The following NRG3 variants were observed in gnomAD, a reference collection of about 807,000 sequenced individuals.
NRG3 encodes the protein pro-neuregulin-3, membrane-bound isoform.
Under a neutral mutation model 66.9 loss-of-function variants are expected in NRG3, and 31 were observed. The ratio of observed to expected loss-of-function variants is 0.46; its 90% confidence interval spans 0.35 to 0.63. NRG3 has a LOEUF of 0.63. Ranked by LOEUF, NRG3 falls within the 20% of genes least tolerant of loss-of-function variation. The pLI, the probability that NRG3 is intolerant of heterozygous loss-of-function variation, is 0.00. For synonymous variants in NRG3, 393 were observed against 359.4 expected (o/e 1.09, Z -1.06); for missense variants, 910 against 878.9 (o/e 1.04, Z -0.45).
intron 1 of NRG3, among the ~76,000 whole-genome samples, chr10:81,887,807 G>A (rs1011301872): frequency 2.0e-5 from 3 of 152,108 alleles, no homozygotes; most frequent in African/African-American, 7.2e-5. Flanking sequence ...AGTCAAGATG[G>A]TGATTATCTT....
intron 1 of NRG3, among the ~76,000 whole-genome samples, chr10:82,140,625 AG>A (rs2069699839): frequency 1.3e-5 from 2 of 152,106 alleles, no homozygotes; most frequent in South Asian, 4.1e-4. Flanking sequence ...CCAGGTACTT[AG>A]GAGGGTAAGG....
rs2064411615 is a variant in NRG3 at position 82,065,625 on chromosome 10, G to T, written c.823+189462G>T. On this transcript the variant is annotated intron_variant, in intron 1 of 8. Transcript: ENST00000372141. Reference sequence around the variant, plus strand: ...GAAGAATATAGACTACTGCATTGGGGTTATCAGTAGAGAGTACATAAAGAA... The same window carrying T: ...GAAGAATATAGACTACTGCATTGGGTTTATCAGTAGAGAGTACATAAAGAA... 2.0e-5 allele frequency among the ~76,000 whole-genome samples: 3 copies of T among 152,184 alleles called. No individual in the cohort carries two copies. The South Asian group carries it at 6.2e-4, about 32-fold the overall frequency.
intron 2 of NRG3, among the ~76,000 whole-genome samples, chr10:82,383,601 T>C (rs149877028): frequency 0.012 from 1,790 of 152,130 alleles, 26 homozygotes; most frequent in African/African-American, 0.039. Context: ...ATTGTTACTA[T>C]GTTTTTATTT....
At chr10:82,626,595 T>A (rs541061774) in intron 2 of NRG3, among the ~76,000 whole-genome samples, 3 of 152,266 alleles carry the variant, frequency 2.0e-5, no homozygotes, top group South Asian at 4.1e-4. Context: ...GTAGAGAGCA[T>A]TACCTTTAAA....
At chr10:82,618,029 TTGGGACTTCTG>T (rs2048780730) in intron 2 of NRG3, among the ~76,000 whole-genome samples, 1 of 152,170 alleles carries the variant, frequency 6.6e-6, no homozygotes, top group Non-Finnish European at 1.5e-5. Context: ...ACCTGGGCTG[TTGGGACTTCTG>T]TGGGTCCACT....
chr10:82,560,843 T>C (rs1428401981), intron 2 of NRG3, among the ~76,000 whole-genome samples: 1 of 151,876 alleles, frequency 6.6e-6, no homozygotes, highest in African/African-American at 2.4e-5. Context: ...TAATGTTTTA[T>C]GTATTGAAAT....
chr10:82,059,508 G>GAA (rs869179635), intron 1 of NRG3, among the ~76,000 whole-genome samples: 1 of 107,204 alleles, frequency 9.3e-6, no homozygotes, highest in South Asian at 3.1e-4. Context: ...CGTGATAGAA[G>GAA]GAGGAGCTGT....
intron 1 of NRG3, among the ~76,000 whole-genome samples, chr10:82,328,298 G>C (rs2081972620): frequency 6.6e-6 from 1 of 152,204 alleles, no homozygotes; most frequent in African/African-American, 2.4e-5. Context: ...TGTCTTCAAA[G>C]TGTGAGACCT....
chr10:82,236,521 A>G (rs572966656), intron 1 of NRG3, among the ~76,000 whole-genome samples: 2 of 152,294 alleles, frequency 1.3e-5, no homozygotes, highest in Admixed American at 6.5e-5. Context: ...TGTGGAAGCC[A>G]GAACTCTGAG....
At chr10:82,456,665 T>G (rs952476918) in intron 2 of NRG3, among the ~76,000 whole-genome samples, 1 of 152,134 alleles carries the variant, frequency 6.6e-6, no homozygotes, top group African/African-American at 2.4e-5. Context: ...TCTACTCTGA[T>G]TTTTTCTAAC....
chr10:82,580,418 C>T (rs1440810456), intron 2 of NRG3, among the ~76,000 whole-genome samples: 1 of 151,918 alleles, frequency 6.6e-6, no homozygotes, highest in Non-Finnish European at 1.5e-5. Flanking sequence ...TAACTGAAGT[C>T]CGTAGTTTCC....
At chr10:82,277,054 A>C (rs1315211770) in intron 1 of NRG3, among the ~76,000 whole-genome samples, 1 of 152,050 alleles carries the variant, frequency 6.6e-6, no homozygotes, top group African/African-American at 2.4e-5. Flanking sequence ...GAGATGGTTT[A>C]AACTTCAGAT....
At chr10:82,123,005 G>GAAA (rs34900819) in intron 1 of NRG3, among the ~76,000 whole-genome samples, 12 of 147,658 alleles carry the variant, frequency 8.1e-5, no homozygotes, top group Non-Finnish European at 3.0e-5. Flanking sequence ...CTTTGGCAGT[G>GAAA]AAAAAAAAAA....
intron 2 of NRG3, among the ~76,000 whole-genome samples, chr10:82,729,882 C>T (rs1007052795): frequency 2.0e-5 from 3 of 152,104 alleles, no homozygotes; most frequent in Non-Finnish European, 4.4e-5. Flanking sequence ...TTTTTTAACT[C>T]ATCAAACTTG....
chr10:82,830,290 C>G (rs756179997), intron 3 of NRG3, among the ~76,000 whole-genome samples: 2 of 152,142 alleles, frequency 1.3e-5, no homozygotes, highest in African/African-American at 2.4e-5. Flanking sequence ...ATCCAATGGA[C>G]CTAGAACTGT....
chr10:82,752,019 G>A (rs2058886595), intron 3 of NRG3, among the ~76,000 whole-genome samples: 1 of 152,040 alleles, frequency 6.6e-6, no homozygotes, highest in Non-Finnish European at 1.5e-5. Context: ...CAGGCACTCA[G>A]GTAATTTTGA....
chr10:82,547,776 G>T (rs1281681058), intron 2 of NRG3, among the ~76,000 whole-genome samples: 2 of 152,104 alleles, frequency 1.3e-5, no homozygotes, highest in Admixed American at 6.6e-5. Flanking sequence ...TTTTTGAACA[G>T]TCAGGGAAGT....
intron 1 of NRG3, among the ~76,000 whole-genome samples, chr10:82,209,970 T>C (rs555724194): frequency 7.2e-5 from 11 of 152,276 alleles, no homozygotes; most frequent in African/African-American, 2.6e-4. Context: ...ATAGCCAAGA[T>C]AATAGATACA....
chr10:82,153,282 T>C (rs2070917555), intron 1 of NRG3, among the ~76,000 whole-genome samples: 1 of 152,114 alleles, frequency 6.6e-6, no homozygotes. Context: ...AGATTCTACA[T>C]GTAAGTGAAA....
Sources: allele counts gnomAD v4.1 joint callset (sites outside exome capture counted in the v4.1 genomes callset), GRCh38; gene constraint gnomAD v4.1.1; transcripts MANE v1.5; gene names NCBI Gene and HGNC (gene_info 2026-07-23, HGNC 2026-07-21).